PCSK5: variants seen among roughly 807,000 people sequenced by gnomAD.
PCSK5 encodes proprotein convertase subtilisin/kexin type 5.
In PCSK5, 129 loss-of-function variants were observed where a neutral mutation model predicts 233.2. The ratio of observed to expected loss-of-function variants is 0.55; its 90% CI spans 0.48 to 0.64. The LOEUF (loss-of-function observed/expected upper bound fraction) is 0.64, where lower values mean the gene tolerates loss of function less well. PCSK5 is among the 30% of genes least tolerant of loss of function. PCSK5 has a pLI of 0.00. For synonymous variants in PCSK5, 825 were observed against 879.2 expected, an observed-to-expected ratio of 0.94 and a Z score of 1.09; for missense variants, 2,076 against 2,430.1, an observed-to-expected ratio of 0.85 and a Z score of 3.06.
intron 10 of PCSK5, 84 bp from the exon 11 acceptor site, chr9:76,156,961 G>A: frequency 1.2e-6 from 1 of 839,020 alleles, no homozygotes. Flanking sequence ...ATCCCATAGG[G>A]TGGTGTCTGG....
chr9:76,037,388 A>C (rs181749534), intron 5 of PCSK5, among the ~76,000 whole-genome samples: 1 of 152,330 alleles, frequency 6.6e-6, no homozygotes, highest in Admixed American at 6.5e-5. Flanking sequence ...AACTTGAATG[A>C]GTTCCAGCTG....
chr9:76,352,401 A>G (rs1394137607), intron 36 of PCSK5, among the ~76,000 whole-genome samples: 1 of 152,172 alleles, frequency 6.6e-6, no homozygotes, highest in Non-Finnish European at 1.5e-5. Context: ...CCAACCTCCT[A>G]TCTCATCCTA....
chr9:76,050,431 A>G (rs10120167), intron 5 of PCSK5, among the ~76,000 whole-genome samples: 12,032 of 152,200 alleles, frequency 0.079, 1,532 homozygotes, highest in African/African-American at 0.27. Context: ...CTCTTTATAG[A>G]TCTTTTCTAG....
intron 25 of PCSK5, among the ~76,000 whole-genome samples, chr9:76,292,712 A>C (rs1044756698): frequency 6.6e-6 from 1 of 152,232 alleles, no homozygotes; most frequent in African/African-American, 2.4e-5. Context: ...ACAGACCACT[A>C]GGTTAAATGA....
At chr9:76,139,966 T>G (rs571757873) in intron 10 of PCSK5, among the ~76,000 whole-genome samples, 8 of 152,204 alleles carry the variant, frequency 5.3e-5, no homozygotes, top group African/African-American at 1.9e-4. Context: ...AAATGCCCAC[T>G]TGTCTCATCA....
chr9:76,175,271 G>GCATA, intron 14 of PCSK5, 142 bp downstream of exon 14: 1 of 508,318 alleles, frequency 2.0e-6, no homozygotes, highest in Non-Finnish European at 3.4e-6. Context: ...GGAATGGAAT[G>GCATA]GAATCGAATC....
At position 76,153,820 on chromosome 9, in the gene PCSK5, C is replaced by T. The variant is rs944180314; in HGVS notation, c.1313-3225C>T. Among the ~76,000 whole-genome samples, 3 of 152,266 alleles carry T rather than the reference C, an allele frequency of 2.0e-5. No homozygotes were observed. The South Asian group carries it at 6.2e-4, about 32-fold the overall frequency. ...TTCTAGGCACCATTCATTCATTTCA[C>T]AAATATTTATGAAAGCCCTGCTCCA... On this transcript the variant is annotated intron_variant, in intron 10 of 37. Coordinates refer to ENST00000674117, the MANE Select transcript of PCSK5 (RefSeq NM_001372043.1).
intron 2 of PCSK5, among the ~76,000 whole-genome samples, chr9:75,963,656 G>A (rs112244494): frequency 0.026 from 4,034 of 152,252 alleles, 77 homozygotes; most frequent in Non-Finnish European, 0.038. Context: ...CGAGGCGGGC[G>A]GATCACGAGG....
In PCSK5 at chr9:75,891,023, C is replaced by G. The variant is rs987739141; in HGVS notation, c.-159C>G. 1.5e-5 allele frequency: 8 copies of G among 522,086 alleles called. No individual in the cohort carries two copies. Among genetic ancestry groups the G allele is most frequent in the African/African-American group, 2.0e-5 (1 of 49,914 alleles). The allele number at this position is 522,086 out of a possible 1,614,324, so 32.3% of individuals were successfully genotyped here. On this transcript the variant is annotated 5_prime_UTR_variant, in exon 1 of 38. Transcript: ENST00000674117. ...CCGGCGTAAGGCTCGCTGCTCTGCT[C>G]CCTGCCGGGGCTAGCCGCCTCCTGC... is the stretch of plus-strand genomic sequence containing the variant.
intron 10 of PCSK5, among the ~76,000 whole-genome samples, chr9:76,156,085 T>C (rs1371414748): frequency 6.6e-6 from 1 of 152,230 alleles, no homozygotes; most frequent in Non-Finnish European, 1.5e-5. Context: ...CATAAAGTCA[T>C]TCATGTGATG....
intron 2 of PCSK5, among the ~76,000 whole-genome samples, chr9:75,942,367 AAG>A (rs1824350887): frequency 6.6e-6 from 1 of 152,342 alleles, no homozygotes; most frequent in East Asian, 1.9e-4. Context: ...TGTTGGGAGA[AAG>A]GGAGAAAGGC....
At chr9:76,096,548 C>A (rs1831521682) in intron 8 of PCSK5, among the ~76,000 whole-genome samples, 1 of 151,324 alleles carries the variant, frequency 6.6e-6, no homozygotes, top group Admixed American at 6.6e-5. Flanking sequence ...CTCAGAATTT[C>A]ATTGAAATTA....
Position 76,071,854 on chromosome 9 carries a change from C to A in PCSK5, c.850C>A (p.Pro284Thr). The stretch of plus-strand genomic sequence containing the variant: ...TGATGATGGCAAGACTGTGGACGGA[C>A]CAGCCCCCCTCACCCGGCAAGCCTT... ...PDDDGKTVDGPAPLTRQAFEN... is the reference protein window; with the variant it reads ...PDDDGKTVDGTAPLTRQAFEN... The change falls in exon 7 of 38, where the codon CCA (proline) becomes ACA (threonine). Residue 284 changes from proline (P) to threonine (T), a missense_variant. Pro to Thr is a conservative substitution (Grantham distance 38). Coordinates refer to ENST00000674117, the MANE Select transcript of PCSK5 (RefSeq NM_001372043.1). 6.2e-7 allele frequency: 1 copy of A among 1,614,168 alleles called. No individual in the cohort carries two copies. Among genetic ancestry groups the A allele is most frequent in the Non-Finnish European group, 8.5e-7 (1 of 1,180,022 alleles).
intron 2 of PCSK5, among the ~76,000 whole-genome samples, chr9:75,938,527 A>G (rs1216334122): frequency 6.6e-6 from 1 of 152,248 alleles, no homozygotes; most frequent in African/African-American, 2.4e-5. Flanking sequence ...ACACGAAGTG[A>G]GCACACGCTG....
chr9:76,214,185 C>T (rs2131290362), intron 20 of PCSK5, among the ~76,000 whole-genome samples: 1 of 152,262 alleles, frequency 6.6e-6, no homozygotes, highest in Non-Finnish European at 1.5e-5. Context: ...AGTGAGCCTT[C>T]TTCCAACACT....
intron 1 of PCSK5, among the ~76,000 whole-genome samples, chr9:75,896,701 TAC>T (rs758380671): frequency 1.3e-5 from 2 of 151,636 alleles, no homozygotes; most frequent in African/African-American, 2.4e-5. Flanking sequence ...CATGCTAGAA[TAC>T]ACACACACAC....
intron 3 of PCSK5, among the ~76,000 whole-genome samples, chr9:76,013,736 A>G (rs1471258633): frequency 1.3e-5 from 2 of 152,150 alleles, no homozygotes; most frequent in African/African-American, 2.4e-5. Context: ...TGATTTGTTC[A>G]ACTGAAAAAC....
At chr9:75,980,511 C>A (rs1179973982) in intron 2 of PCSK5, among the ~76,000 whole-genome samples, 1 of 152,136 alleles carries the variant, frequency 6.6e-6, no homozygotes, top group Non-Finnish European at 1.5e-5. Context: ...ATGTCTGTTT[C>A]AAGCAAATCA....
intron 2 of PCSK5, among the ~76,000 whole-genome samples, chr9:75,968,316 CTAAGTA>C (rs1333025037): frequency 2.0e-5 from 3 of 152,244 alleles, no homozygotes; most frequent in East Asian, 1.9e-4. Flanking sequence ...GACTGCCAGT[CTAAGTA>C]TATCACAGGG....
Sources: allele counts gnomAD v4.1 joint callset (sites outside exome capture counted in the v4.1 genomes callset), GRCh38; gene constraint gnomAD v4.1.1; transcripts MANE v1.5; gene names NCBI Gene and HGNC (gene_info 2026-07-23, HGNC 2026-07-21).